C10orf88: variants seen among roughly 807,000 people sequenced by gnomAD.
C10orf88 encodes ATPase PAAT.
In C10orf88, 29 loss-of-function variants were observed where a neutral mutation model predicts 34.2. The observed-to-expected ratio is 0.85, with a 90% CI of 0.63 to 1.16. The LOEUF (loss-of-function observed/expected upper bound fraction) is 1.16. Ranked by LOEUF, C10orf88 falls within the 50% of genes most tolerant of loss-of-function variation. The probability of loss-of-function intolerance (pLI) is 0.00; values close to 1 mark genes in which losing one functional copy is unlikely to be tolerated. For synonymous variants in C10orf88, 194 were observed against 197.4 expected, an observed-to-expected ratio of 0.98 and a Z score of 0.15; for missense variants, 507 against 533.2, an observed-to-expected ratio of 0.95 and a Z score of 0.48.
intron 5 of C10orf88, 146 bp from the exon 6 acceptor site, chr10:122,932,807 C>T (rs1166712703): frequency 3.2e-6 from 2 of 615,452 alleles, no homozygotes; most frequent in Non-Finnish European, 5.6e-6. Context: ...GGTCCTAATA[C>T]ACATCCACAA....
At chr10:122,945,736 G>A (rs1848633139) in intron 4 of C10orf88, among the ~76,000 whole-genome samples, 2 of 152,132 alleles carry the variant, frequency 1.3e-5, no homozygotes, top group South Asian at 2.1e-4. Context: ...ATGAGTTTGT[G>A]TTTTAAGCTC....
chr10:122,949,952 G>A (rs890935792), intron 3 of C10orf88, among the ~76,000 whole-genome samples: 1 of 152,146 alleles, frequency 6.6e-6, no homozygotes, highest in African/African-American at 2.4e-5. Context: ...CTTGTTAAAG[G>A]ACACTCAATT....
chr10:122,944,480 C>G (rs1293721722), intron 4 of C10orf88, among the ~76,000 whole-genome samples: 1 of 151,870 alleles, frequency 6.6e-6, no homozygotes, highest in Non-Finnish European at 1.5e-5. Context: ...ACATATGTAA[C>G]AAACCTGCAC....
rs1298471271 is a variant in C10orf88 at position 122,932,641 on chromosome 10, C to A, written c.1124G>T (p.Cys375Phe). 1 of 1,607,810 alleles carries A rather than the reference C, an allele frequency of 6.2e-7. No individual in the cohort carries two copies. The highest frequency in any genetic ancestry group is 8.5e-7 in the Non-Finnish European group (1 of 1,176,526). Residue 375 changes from cysteine to phenylalanine, a missense_variant, in exon 6 of 6, where the codon TGC becomes TTC. Coordinates refer to ENST00000481909, the MANE Select transcript of C10orf88 (RefSeq NM_024942.4). ...LGVGMEEQSICSYLEKILSKN... is the reference protein window; with the variant it reads ...LGVGMEEQSIFSYLEKILSKN... ...AGAAAGAATCTTTTCCAAGTAGGAG[C>A]AAATAGATTGCTCTTCCATTCTAAA...
chr10:122,935,765 T>C (rs1848529131), intron 5 of C10orf88, among the ~76,000 whole-genome samples: 1 of 151,900 alleles, frequency 6.6e-6, no homozygotes, highest in Non-Finnish European at 1.5e-5. Flanking sequence ...ATATGGTATG[T>C]CTCTCCAGTT....
rs1218800145 is a variant in C10orf88, at chr10:122,931,524, A to C, written c.*903T>G. On this transcript the variant is annotated 3_prime_UTR_variant, in exon 6 of 6. Transcript: ENST00000481909. ...GACAAGTAGTTCCCAGAGCAGGTGCATTTATTTTTATATGCAAATATATCA... is the reference window on the plus strand; with the variant it reads ...GACAAGTAGTTCCCAGAGCAGGTGCCTTTATTTTTATATGCAAATATATCA... 2 of 152,236 alleles carry C rather than the reference A, an allele frequency of 1.3e-5. No homozygotes were observed. Among genetic ancestry groups the C allele is most frequent in the African/African-American group, 4.8e-5 (2 of 41,466 alleles). 9.4% of individuals were successfully genotyped at this position (152,236 alleles called of 1,614,324 possible).
In C10orf88 at chr10:122,947,906, C is replaced by T. The variant is rs181518156; in HGVS notation, c.648+743G>A. Among the ~76,000 whole-genome samples the T allele has an allele frequency of 7.2e-5, 11 of 152,256 alleles. No homozygotes were observed. The East Asian group carries it at 1.9e-3, about 27-fold the overall frequency. On this transcript the variant is annotated intron_variant, in intron 4 of 5. Coordinates refer to ENST00000481909, the MANE Select transcript of C10orf88 (RefSeq NM_024942.4). The stretch of plus-strand genomic sequence containing the variant: ...TTTAGCATCCAGCATTATGTTACTA[C>T]GTCCAATCTTAGACCTCATTCACTC...
chr10:122,939,574 T>A (rs1000694628), intron 4 of C10orf88, among the ~76,000 whole-genome samples: 1 of 151,934 alleles, frequency 6.6e-6, no homozygotes, highest in Non-Finnish European at 1.5e-5. Context: ...TTATCTTGTT[T>A]TATAAAATGC....
chr10:122,937,689 T>G lies in C10orf88; in HGVS notation c.1103+16A>C. ...CCTACCAAATCGAAACTCGTATGTC[T>G]TAAAATAATACTTACCCAACACCAA... On this transcript the variant is annotated intron_variant, in intron 5 of 5. Coordinates refer to ENST00000481909, the MANE Select transcript of C10orf88 (RefSeq NM_024942.4). The G allele has an allele frequency of 6.4e-7, 1 of 1,567,982 alleles. No individual in the cohort carries two copies. The highest frequency in any genetic ancestry group is 8.7e-7 in the Non-Finnish European group (1 of 1,154,728).
intron 4 of C10orf88, among the ~76,000 whole-genome samples, chr10:122,944,041 T>C (rs374983373): frequency 1.3e-5 from 2 of 151,936 alleles, no homozygotes; most frequent in African/African-American, 4.8e-5. Flanking sequence ...ACCCAAAGGA[T>C]TATAAATCAT....
At position 122,942,775 on chromosome 10, in the gene C10orf88, T is replaced by C. The variant is rs964334084; in HGVS notation, c.649-4616A>G. Among the ~76,000 whole-genome samples, 102 of 151,410 alleles carry C rather than the reference T, an allele frequency of 6.7e-4. 1 individual carries two copies. Among genetic ancestry groups the C allele is most frequent in the Non-Finnish European group, 8.7e-4 (59 of 67,858 alleles). On this transcript the variant is annotated intron_variant, in intron 4 of 5. Transcript: ENST00000481909. The stretch of plus-strand genomic sequence containing the variant: ...ATCATGAGTGAACTCCCATTCACAA[T>C]TGCTTCAAAGAGAATAAAATACCTA...
At position 122,954,083 on chromosome 10, in the gene C10orf88, G is replaced by A. The variant is rs910451345; in HGVS notation, c.96C>T (p.Leu32=). 1.2e-5 allele frequency: 19 copies of A among 1,570,736 alleles called. No individual in the cohort carries two copies. The highest frequency in any genetic ancestry group is 1.5e-5 in the Non-Finnish European group (18 of 1,161,498). The change falls in exon 1 of 6, where the codon CTC becomes CTT. Residue 32 remains leucine, a synonymous_variant. Transcript: ENST00000481909. ...VAGGALTHSL[L]LTRAGLGPGD... is the part of the protein sequence containing the mutation. ...CGGGGCCGAGACCGGCCCGGGTGAG[G>A]AGGAGGCTGTGGGTCAGGGCCCCGC...
chr10:122,932,535 A>G lies in C10orf88; in HGVS notation c.1230T>C (p.Asp410=). ...GCAAATCCAGTAACAAAGCAATCTT[A>G]TCATCAATGTGCTCCTGGAGTTCAT... The part of the protein sequence containing the change: ...RIHELQEHID[D]KIALLLDLLQ... Residue 410 remains aspartate, a synonymous_variant, in exon 6 of 6, where the codon GAT becomes GAC. Transcript: ENST00000481909. The G allele has an allele frequency of 6.2e-7, 1 of 1,614,038 alleles. No individual in the cohort carries two copies. The highest frequency in any genetic ancestry group is 8.5e-7 in the Non-Finnish European group (1 of 1,179,964).
At chr10:122,946,094 G>A (rs1454253796) in intron 4 of C10orf88, among the ~76,000 whole-genome samples, 4 of 149,558 alleles carry the variant, frequency 2.7e-5, no homozygotes, top group East Asian at 3.9e-4. Flanking sequence ...AGACTCTGTC[G>A]CAAAAAATAA....
chr10:122,938,305 T>A, intron 4 of C10orf88, 146 bp from the exon 5 acceptor site: 1 of 708,780 alleles, frequency 1.4e-6, no homozygotes, highest in Non-Finnish European at 2.2e-6. Flanking sequence ...TATCCCAATA[T>A]TAAGCTGAGG....
At chr10:122,948,611 C>G in intron 4 of C10orf88, 38 bp downstream of exon 4, 3 of 1,583,040 alleles carry the variant, frequency 1.9e-6, no homozygotes, top group Non-Finnish European at 2.6e-6. Flanking sequence ...GTTTTGAAAT[C>G]ATTAATGTTA....
intron 4 of C10orf88, among the ~76,000 whole-genome samples, chr10:122,941,934 C>G (rs112767820): frequency 1.3e-5 from 2 of 152,034 alleles, no homozygotes; most frequent in African/African-American, 4.8e-5. Context: ...CAAGGATACA[C>G]GCCAAACTGT....
rs1262214694 is a variant in C10orf88 at position 122,951,957 on chromosome 10, T to C, written c.438A>G (p.Ile146Met). Reference protein sequence around the residue: ...KLESSTHACKIKLLSFGERQC... With the variant: ...KLESSTHACKMKLLSFGERQC... ...TAGTTTACAACTGACAACTTACCTT[T>C]ATTTTACAAGCATGTGTGGAGGACT... Residue 146 changes from isoleucine (I) to methionine (M), a missense_variant, in exon 3 of 6, where the codon ATA (isoleucine) becomes ATG (methionine). Coordinates refer to ENST00000481909, the MANE Select transcript of C10orf88 (RefSeq NM_024942.4). 2.6e-6 allele frequency: 4 copies of C among 1,540,662 alleles called. No individual in the cohort carries two copies. Among genetic ancestry groups the C allele is most frequent in the Non-Finnish European group, 3.6e-6 (4 of 1,120,742 alleles).
At chr10:122,950,611 C>T (rs72839731) in intron 3 of C10orf88, among the ~76,000 whole-genome samples, 5,010 of 152,286 alleles carry the variant, frequency 0.033, 122 homozygotes, top group Middle Eastern at 0.058. Flanking sequence ...CTTTTTAACC[C>T]CATAGCCTTT....
Sources: gnomAD v4.1 joint callset for allele counts (sites outside exome capture counted in the v4.1 genomes callset) on GRCh38, gnomAD v4.1.1 for gene constraint, MANE v1.5 for transcripts, NCBI Gene and HGNC (gene_info 2026-07-23, HGNC 2026-07-21) for gene names.